COL8A1: variants seen among roughly 807,000 people sequenced by gnomAD.
The protein encoded by COL8A1 is collagen type VIII alpha 1 chain.
In COL8A1, 21 loss-of-function variants were observed where a neutral mutation model predicts 42.7. The observed-to-expected ratio is 0.49, with a 90% confidence interval of 0.35 to 0.71. The LOEUF (loss-of-function observed/expected upper bound fraction) is 0.71, where lower values mean the gene tolerates loss of function less well. Ranked by LOEUF, COL8A1 falls within the 30% of genes least tolerant of loss-of-function variation. COL8A1 has a pLI of 0.01. For missense variants in COL8A1, 788 were observed against 962.4 expected, an observed-to-expected ratio of 0.82 and a Z score of 2.40; for synonymous variants, 367 against 369.1, an observed-to-expected ratio of 0.99 and a Z score of 0.06.
At chr3:99,669,380 G>C (rs1200585254) in intron 1 of COL8A1, among the ~76,000 whole-genome samples, 1 of 151,668 alleles carries the variant, frequency 6.6e-6, no homozygotes. Context: ...GAAAAATGAA[G>C]GTCATTCCAG....
intron 2 of COL8A1, among the ~76,000 whole-genome samples, chr3:99,757,860 T>C (rs1941285366): frequency 6.6e-6 from 1 of 152,200 alleles, no homozygotes; most frequent in Non-Finnish European, 1.5e-5. Context: ...GAGGCTACTG[T>C]CACTCAGCCT....
intron 2 of COL8A1, among the ~76,000 whole-genome samples, chr3:99,758,639 A>C (rs1252447875): frequency 6.6e-6 from 1 of 152,082 alleles, no homozygotes; most frequent in Non-Finnish European, 1.5e-5. Flanking sequence ...TGTCTGGTCC[A>C]CTCCCCAAGC....
chr3:99,732,737 C>T (rs1029647592), intron 1 of COL8A1, among the ~76,000 whole-genome samples: 2 of 152,130 alleles, frequency 1.3e-5, no homozygotes. Context: ...GCCTTCCCAA[C>T]AGTCTCCCAA....
intron 1 of COL8A1, among the ~76,000 whole-genome samples, chr3:99,688,390 T>C (rs762933607): frequency 6.6e-6 from 1 of 152,176 alleles, no homozygotes; most frequent in African/African-American, 2.4e-5. Context: ...TTTCTTATCT[T>C]GTGGACTCTT....
intron 2 of COL8A1, among the ~76,000 whole-genome samples, chr3:99,752,006 C>T (rs1941159798): frequency 6.6e-6 from 1 of 151,966 alleles, no homozygotes; most frequent in Non-Finnish European, 1.5e-5. Flanking sequence ...CAAATTATTG[C>T]CAAAATCCTC....
chr3:99,768,020 T>C (rs555785705), intron 2 of COL8A1, among the ~76,000 whole-genome samples: 4 of 152,308 alleles, frequency 2.6e-5, no homozygotes, highest in African/African-American at 9.6e-5. Flanking sequence ...TAACATTTGA[T>C]TGAGATCGGT....
intron 1 of COL8A1, among the ~76,000 whole-genome samples, chr3:99,673,175 A>AT (rs72212404): frequency 9.9e-5 from 15 of 151,374 alleles, no homozygotes; most frequent in Admixed American, 3.3e-4. Context: ...ATTTTTGTGG[A>AT]TTTTTTTTTA....
chr3:99,736,458 C>A (rs1023727566), intron 1 of COL8A1, among the ~76,000 whole-genome samples: 2 of 151,828 alleles, frequency 1.3e-5, no homozygotes, highest in Non-Finnish European at 2.9e-5. Flanking sequence ...TGTATACATG[C>A]GCCATATTTC....
At chr3:99,698,959 A>T in intron 1 of COL8A1, among the ~76,000 whole-genome samples, 1 of 152,178 alleles carries the variant, frequency 6.6e-6, no homozygotes, top group East Asian at 1.9e-4. Context: ...AGAAGCGGGG[A>T]AGATAAGTCA....
chr3:99,687,140 G>A (rs942941255), intron 1 of COL8A1, among the ~76,000 whole-genome samples: 8 of 152,124 alleles, frequency 5.3e-5, no homozygotes, highest in Admixed American at 1.3e-4. Flanking sequence ...CACGGCATCC[G>A]GCCTGTAACT....
chr3:99,686,100 A>C (rs1277980967), intron 1 of COL8A1, among the ~76,000 whole-genome samples: 1 of 152,238 alleles, frequency 6.6e-6, no homozygotes, highest in Non-Finnish European at 1.5e-5. Flanking sequence ...CATCAGAACT[A>C]ATCACATAGC....
intron 1 of COL8A1, among the ~76,000 whole-genome samples, chr3:99,660,343 A>G (rs1938167124): frequency 6.6e-6 from 1 of 152,176 alleles, no homozygotes; most frequent in Non-Finnish European, 1.5e-5. Context: ...TTATCTTCCT[A>G]TAACTATTAT....
chr3:99,680,701 G>A (rs923614474), intron 1 of COL8A1, among the ~76,000 whole-genome samples: 4 of 152,156 alleles, frequency 2.6e-5, no homozygotes, highest in African/African-American at 9.7e-5. Flanking sequence ...ACTGGTGTGA[G>A]ATGGTATCTC....
chr3:99,696,023 A>G (rs1450350053), intron 1 of COL8A1, among the ~76,000 whole-genome samples: 1 of 152,162 alleles, frequency 6.6e-6, no homozygotes, highest in African/African-American at 2.4e-5. Context: ...AATCCCAGCT[A>G]CTCAGGAGGC....
At position 99,795,945 on chromosome 3, in the gene COL8A1, A is replaced by G. The variant is rs143399698; in HGVS notation, c.2044A>G (p.Asn682Asp). ...GNVWVALFKNNEPVMYTYDEY... is the reference protein window; with the variant it reads ...GNVWVALFKNDEPVMYTYDEY... ...CGTGTGGGTTGCTCTATTCAAGAAC[A>G]ACGAGCCCGTGATGTACACGTACGA... The change falls in exon 4 of 4, where the codon AAC becomes GAC. Residue 682 changes from asparagine (N) to aspartate (D), a missense_variant. By Grantham distance (23) the Asn-to-Asp change is conservative. This residue lies in a region of COL8A1 where 212 missense variants were observed against 210.9 expected (regional missense o/e 1.00). Coordinates refer to ENST00000652472, the MANE Select transcript of COL8A1 (RefSeq NM_020351.4). The G allele has an allele frequency of 6.2e-4, 994 of 1,614,122 alleles. 1 individual carries two copies. The highest frequency in any genetic ancestry group is 4.8e-4 in the Non-Finnish European group (567 of 1,179,992).
intron 1 of COL8A1, among the ~76,000 whole-genome samples, chr3:99,644,984 G>A (rs775024953): frequency 3.3e-5 from 5 of 152,168 alleles, no homozygotes; most frequent in Non-Finnish European, 7.3e-5. Flanking sequence ...CTAGTTTATG[G>A]CAGCAGAGGG....
intron 1 of COL8A1, among the ~76,000 whole-genome samples, chr3:99,694,263 A>C (rs954990505): frequency 7.9e-5 from 12 of 152,158 alleles, no homozygotes. Context: ...CAGGCAGATC[A>C]TTTGAGGTCA....
At chr3:99,731,189 C>A (rs1483087910) in intron 1 of COL8A1, among the ~76,000 whole-genome samples, 1 of 152,158 alleles carries the variant, frequency 6.6e-6, no homozygotes, top group East Asian at 1.9e-4. Flanking sequence ...GAAGCTATCA[C>A]TGCTACTACA....
chr3:99,731,798 C>T (rs897582482), intron 1 of COL8A1, among the ~76,000 whole-genome samples: 6 of 152,094 alleles, frequency 3.9e-5, no homozygotes, highest in Non-Finnish European at 7.4e-5. Flanking sequence ...AAAGAACTTT[C>T]AGTAAATTTG....
Sources: gnomAD v4.1 joint callset for allele counts (sites outside exome capture counted in the v4.1 genomes callset) on GRCh38, gnomAD v4.1.1 for gene constraint, gnomAD v4.1.1 regional missense constraint, MANE v1.5 for transcripts, NCBI Gene and HGNC (gene_info 2026-07-23, HGNC 2026-07-21) for gene names.